Variants in MID1 observed in about 807,000 individuals in gnomAD.
MID1 encodes the protein midline 1, also known as E3 ubiquitin-protein ligase Midline-1.
In MID1, 7 loss-of-function variants were observed where a neutral mutation model predicts 40.4. The observed-to-expected ratio is 0.17, with a 90% CI of 0.10 to 0.33. The LOEUF (loss-of-function observed/expected upper bound fraction) is 0.33. MID1 is among the 10% of genes least tolerant of loss of function. MID1 has a pLI of 1.00. For synonymous variants in MID1, 229 were observed against 221.2 expected (o/e 1.04, Z -0.31); for missense variants, 367 against 558.5 (o/e 0.66, Z 3.46).
At chrX:10,484,927 C>T (rs764387078) in intron 4 of MID1, among the ~76,000 whole-genome samples, 7 of 110,031 alleles carry the variant, frequency 6.4e-5, no homozygotes, top group Non-Finnish European at 1.3e-4. Flanking sequence ...TGTGTGCATG[C>T]GTGCACGCTG....
At chrX:10,823,304 C>T (rs993286508) in intron 1 of MID1, among the ~76,000 whole-genome samples, 11 of 110,721 alleles carry the variant, frequency 9.9e-5, no homozygotes, top group African/African-American at 3.6e-4. Flanking sequence ...GGGGGAACGA[C>T]ACACACTGGG....
intron 1 of MID1, among the ~76,000 whole-genome samples, chrX:10,602,796 A>T (rs1237716542): frequency 8.9e-6 from 1 of 112,360 alleles, no homozygotes; most frequent in African/African-American, 3.2e-5. Context: ...CATGTAAGGC[A>T]TCATTCTGCC....
intron 1 of MID1, among the ~76,000 whole-genome samples, chrX:10,584,852 T>C (rs1935101675): frequency 9.0e-6 from 1 of 111,129 alleles, no homozygotes; most frequent in African/African-American, 3.3e-5. Flanking sequence ...GGAAGGGGTT[T>C]ATTCGGCTGG....
chrX:10,499,247 T>C lies in MID1; in HGVS notation c.757-3556A>G, dbSNP rs146590003. Among the ~76,000 whole-genome samples, 223 of 112,032 alleles carry C rather than the reference T, an allele frequency of 2.0e-3. 1 individual carries two copies. The highest frequency in any genetic ancestry group is 6.5e-3 in the African/African-American group (202 of 30,918). ...CTTACTGGACATCTGTGTATCTATGTTGGAGATATGACTATTCGGATCTTT... is the reference window on the plus strand; with the variant it reads ...CTTACTGGACATCTGTGTATCTATGCTGGAGATATGACTATTCGGATCTTT... On this transcript the variant is annotated intron_variant, in intron 3 of 9. Transcript: ENST00000317552.
At chrX:10,770,318 G>A (rs189198567) in intron 1 of MID1, among the ~76,000 whole-genome samples, 159 of 112,124 alleles carry the variant, frequency 1.4e-3, no homozygotes, top group African/African-American at 5.1e-3. Context: ...ATTAGTCTTT[G>A]AGGACCTGCT....
chrX:10,832,776 T>C (rs2147166736), intron 1 of MID1, among the ~76,000 whole-genome samples: 1 of 112,484 alleles, frequency 8.9e-6, no homozygotes, highest in African/African-American at 3.2e-5. Flanking sequence ...CAATTGGCTG[T>C]TCCCAAGTAT....
chrX:10,459,767 G>A lies in MID1; in HGVS notation c.1326C>T (p.Asn442=). ...NSADSWMIVP[N]IKQNHYTVHG... ...GCACCGTGTAGTGGTTCTGCTTGAT[G>A]TTGGGTACTATCATCCAGCTATCAG... The change falls in exon 8 of 10, where the codon AAC becomes AAT. Residue 442 remains asparagine (N), a synonymous_variant. Transcript: ENST00000317552. The A allele has an allele frequency of 8.3e-7, 1 of 1,210,972 alleles. No individual in the cohort carries two copies. Among genetic ancestry groups the A allele is most frequent in the Middle Eastern group, 2.3e-4 (1 of 4,352 alleles).
chrX:10,772,408 G>T (rs1290519153), intron 1 of MID1, among the ~76,000 whole-genome samples: 2 of 109,795 alleles, frequency 1.8e-5, no homozygotes, highest in Non-Finnish European at 1.9e-5. Flanking sequence ...GGGGACTCAG[G>T]GGGAAAGGGT....
intron 1 of MID1, among the ~76,000 whole-genome samples, chrX:10,724,814 C>T (rs1223233294): frequency 8.9e-6 from 1 of 112,258 alleles, no homozygotes; most frequent in Non-Finnish European, 1.9e-5. Context: ...TGCTCTTTTA[C>T]TCAACATGGA....
chrX:10,737,626 G>T (rs1253967855), intron 1 of MID1, among the ~76,000 whole-genome samples: 2 of 107,329 alleles, frequency 1.9e-5, no homozygotes, highest in Non-Finnish European at 3.9e-5. Flanking sequence ...GAAAGGGGGT[G>T]GGGGGAGAGG....
chrX:10,515,953 C>A (rs1017316651), intron 3 of MID1, among the ~76,000 whole-genome samples: 2 of 111,980 alleles, frequency 1.8e-5, no homozygotes, highest in African/African-American at 6.5e-5. Context: ...TGAAGAGATA[C>A]AGTCCTTATC....
At chrX:10,452,808 G>A (rs991165530) in intron 9 of MID1, among the ~76,000 whole-genome samples, 1 of 111,608 alleles carries the variant, frequency 9.0e-6, no homozygotes, top group African/African-American at 3.3e-5. Flanking sequence ...TGTTTTCAAG[G>A]TAATGCTGAT....
chrX:10,644,743 T>A (rs139076115), intron 1 of MID1, among the ~76,000 whole-genome samples: 2 of 110,751 alleles, frequency 1.8e-5, no homozygotes, highest in African/African-American at 6.6e-5. Context: ...AAAGTTCCCA[T>A]GATGACAGTC....
In MID1 at chrX:10,469,709, C is replaced by T. The variant is rs1337827121; in HGVS notation, c.1273G>A (p.Ala425Thr). Residue 425 changes from alanine to threonine, a missense_variant, in exon 7 of 10, where the codon GCC (alanine) becomes ACC (threonine). Coordinates refer to ENST00000317552, the MANE Select transcript of MID1 (RefSeq NM_000381.4). ...ELQYTIFTGQ[A>T]NVVSLCNSAD... ...ATGAGATACTCACTAACGACGTTGG[C>T]TTGTCCGGTGAATATGGTGTACTGG... 3 of 1,211,644 alleles carry T rather than the reference C, an allele frequency of 2.5e-6. No individual in the cohort carries two copies. The highest frequency in any genetic ancestry group is 3.0e-5 in the East Asian group (1 of 33,827).
chrX:10,569,061 C>T (rs187009761), intron 1 of MID1, among the ~76,000 whole-genome samples: 4 of 111,883 alleles, frequency 3.6e-5, no homozygotes. Context: ...TTCTGACAAT[C>T]AATCGTTTGT....
intron 1 of MID1, among the ~76,000 whole-genome samples, chrX:10,638,378 G>A (rs1476039193): frequency 8.9e-6 from 1 of 112,158 alleles, no homozygotes; most frequent in Non-Finnish European, 1.9e-5. Flanking sequence ...TGGCTCGGAG[G>A]GTCCCACACC....
At chrX:10,494,722 C>T (rs1931142147) in intron 4 of MID1, among the ~76,000 whole-genome samples, 1 of 98,215 alleles carries the variant, frequency 1.0e-5, no homozygotes, top group Admixed American at 1.2e-4. Flanking sequence ...TGCAGTGAGC[C>T]ATGATCGTGC....
At chrX:10,488,814 C>G (rs1930764058) in intron 4 of MID1, among the ~76,000 whole-genome samples, 1 of 111,475 alleles carries the variant, frequency 9.0e-6, no homozygotes, top group Non-Finnish European at 1.9e-5. Flanking sequence ...GCCTCCCCGT[C>G]TACATCTTTC....
chrX:10,619,714 C>A (rs1935901701), intron 1 of MID1, among the ~76,000 whole-genome samples: 1 of 112,450 alleles, frequency 8.9e-6, no homozygotes, highest in African/African-American at 3.2e-5. Flanking sequence ...ACTTTCAGGG[C>A]TGCCTTCTCA....
Sources: gnomAD v4.1 joint callset for allele counts (sites outside exome capture counted in the v4.1 genomes callset) on GRCh38, gnomAD v4.1.1 for gene constraint, MANE v1.5 for transcripts, NCBI Gene and HGNC (gene_info 2026-07-23, HGNC 2026-07-21) for gene names.